COX7A2L: variants seen among roughly 807,000 people sequenced by gnomAD.
The protein encoded by COX7A2L is cytochrome c oxidase subunit 7A2-like, mitochondrial.
A neutral mutation model predicts 14.2 loss-of-function variants in COX7A2L; 18 were observed. The ratio of observed to expected loss-of-function variants is 1.27; its 90% CI spans 0.88 to 1.88. COX7A2L has a LOEUF of 1.88. COX7A2L is among the 40% of genes most tolerant of loss of function. The pLI is 0.00. For synonymous variants in COX7A2L, 65 were observed against 57.4 expected (o/e 1.13, Z -0.60); for missense variants, 179 against 138.8 (o/e 1.29, Z -1.46).
Position 42,338,419 on chromosome 2 carries a change from A to G in COX7A2L, c.193-4550T>C, listed in dbSNP as rs1670330325. On this transcript the variant is annotated intron_variant, in intron 2 of 2. Coordinates refer to the COX7A2L transcript ENST00000468711. The surrounding 1 kb of genome is among the most constrained non-coding windows in gnomAD (Gnocchi z 4.4). ...CCAAGACTGCCGCAGAACTGAGATG[A>G]GGTGACCAGGCTTTCTCCGAGAGCG... is the stretch of plus-strand genomic sequence containing the variant. Among the ~76,000 whole-genome samples the G allele has an allele frequency of 1.3e-5, 2 of 152,138 alleles. No homozygotes were observed. Among genetic ancestry groups the G allele is most frequent in the African/African-American group, 4.8e-5 (2 of 41,440 alleles).
chr2:42,336,546 ACCAAGCCC>A (rs1670278108), intron 2 of COX7A2L, among the ~76,000 whole-genome samples: 1 of 152,104 alleles, frequency 6.6e-6, no homozygotes, highest in South Asian at 2.1e-4. Flanking sequence ...GATCACAGTA[ACCAAGCCC>A]TTGTGCCTCC....
chr2:42,366,224 G>A (rs1671161840), intron 1 of COX7A2L, among the ~76,000 whole-genome samples: 2 of 152,290 alleles, frequency 1.3e-5, no homozygotes, highest in Non-Finnish European at 2.9e-5. Context: ...GAGTCCAGCA[G>A]TACGAGACCA....
chr2:42,359,957 C>T (rs905035367), intron 1 of COX7A2L: 4 of 152,082 alleles, frequency 2.6e-5, no homozygotes, highest in African/African-American at 9.7e-5. Context: ...AACTCCTGGG[C>T]TCAAGCGACC....
At chr2:42,335,898 C>T (rs1208258242) in intron 2 of COX7A2L, among the ~76,000 whole-genome samples, 2 of 152,218 alleles carry the variant, frequency 1.3e-5, no homozygotes, top group African/African-American at 2.4e-5. Flanking sequence ...TCCTTCCCTA[C>T]TATCCCTACA....
At position 42,353,064 on chromosome 2, in the gene COX7A2L, T is replaced by C. The variant is rs1670696940; in HGVS notation, c.204+148A>G. The C allele has an allele frequency of 7.1e-6, 7 of 980,188 alleles. No individual in the cohort carries two copies. The South Asian group carries it at 1.2e-4, about 17-fold the overall frequency. The allele number at this position is 980,188 out of a possible 1,614,324, so 60.7% of individuals were successfully genotyped here. ...ATCTACCTATATAAAGTTCTATTCG[T>C]TTATGGCTCAAACTAAAATCAAGAG... On this transcript the variant is annotated intron_variant, in intron 2 of 2. Transcript: ENST00000234301.
At chr2:42,366,511 C>A (rs1671168790) in intron 1 of COX7A2L, among the ~76,000 whole-genome samples, 1 of 152,172 alleles carries the variant, frequency 6.6e-6, no homozygotes, top group South Asian at 2.1e-4. Flanking sequence ...TGACCTTTGG[C>A]TAGTTCCTTA....
chr2:42,346,118 C>T (rs1173910664), downstream of COX7A2L, among the ~76,000 whole-genome samples: 1 of 152,184 alleles, frequency 6.6e-6, no homozygotes, highest in Non-Finnish European at 1.5e-5. Flanking sequence ...AGCTGACTGG[C>T]CCAGTGGAGG....
intron 1 of COX7A2L, among the ~76,000 whole-genome samples, chr2:42,358,839 A>C (rs1558635431): frequency 6.6e-6 from 1 of 152,170 alleles, no homozygotes; most frequent in Non-Finnish European, 1.5e-5. Context: ...AGATATATTA[A>C]AAGAACATAA....
upstream of COX7A2L, among the ~76,000 whole-genome samples, chr2:42,364,250 C>CAAAAAAAAAAAAAAAAAAAAAAAAAA (rs35151680): frequency 8.0e-4 from 68 of 85,362 alleles, no homozygotes; most frequent in South Asian, 1.5e-3. Flanking sequence ...GACTCCGTCT[C>CAAAAAAAAAAAAAAAAAAAAAAAAAA]AAAAAAAAAA....
At chr2:42,343,096 G>A (rs979852371) in intron 2 of COX7A2L, among the ~76,000 whole-genome samples, 4 of 152,094 alleles carry the variant, frequency 2.6e-5, no homozygotes, top group Admixed American at 1.3e-4. Context: ...AGCTGCTGCC[G>A]CCCTCCAGGC....
intron 2 of COX7A2L, among the ~76,000 whole-genome samples, chr2:42,341,179 C>T (rs1331282992): frequency 6.6e-6 from 1 of 152,214 alleles, no homozygotes; most frequent in Non-Finnish European, 1.5e-5. Context: ...CTCAACCCCT[C>T]CTGCTGTGGC....
At chr2:42,354,139 T>C (rs543860108) in intron 1 of COX7A2L, among the ~76,000 whole-genome samples, 4 of 152,144 alleles carry the variant, frequency 2.6e-5, no homozygotes, top group Non-Finnish European at 5.9e-5. Flanking sequence ...TTTGAGGTGA[T>C]TAAAAAAATG....
upstream of COX7A2L, among the ~76,000 whole-genome samples, chr2:42,364,119 C>T (rs903751976): frequency 1.3e-5 from 2 of 151,970 alleles, no homozygotes; most frequent in Non-Finnish European, 2.9e-5. Context: ...GGCGTGGTAG[C>T]GGGCGCCTGT....
downstream of COX7A2L, among the ~76,000 whole-genome samples, chr2:42,344,416 G>A (rs963859472): frequency 6.6e-6 from 1 of 152,074 alleles, no homozygotes; most frequent in Non-Finnish European, 1.5e-5. Flanking sequence ...ATAATTCTCT[G>A]TAACACTCTA....
chr2:42,360,457 A>T (rs1670988180), intron 1 of COX7A2L, among the ~76,000 whole-genome samples: 1 of 152,210 alleles, frequency 6.6e-6, no homozygotes, highest in Non-Finnish European at 1.5e-5. Flanking sequence ...GTCAAACTCC[A>T]ATTGGTAGAA....
chr2:42,347,459 T>C (rs1360346411), downstream of COX7A2L, among the ~76,000 whole-genome samples: 1 of 152,050 alleles, frequency 6.6e-6, no homozygotes, highest in African/African-American at 2.4e-5. Flanking sequence ...AAAGTCATAT[T>C]TATAAAAGCA....
chr2:42,348,754 T>C (rs553157815), downstream of COX7A2L, among the ~76,000 whole-genome samples: 45 of 152,132 alleles, frequency 3.0e-4, no homozygotes, highest in African/African-American at 1.0e-3. Context: ...CCATCTCTAC[T>C]AAAATTACAA....
chr2:42,350,575 G>A lies in COX7A2L; in HGVS notation c.*644C>T, dbSNP rs1026421865. The A allele has an allele frequency of 6.6e-6, 1 of 152,092 alleles. No homozygotes were observed. The highest frequency in any genetic ancestry group is 1.5e-5 in the Non-Finnish European group (1 of 68,028). 9.4% of individuals were successfully genotyped at this position (152,092 alleles called of 1,614,324 possible). A position where few individuals can be genotyped will look rare whatever the true frequency, so the allele number is the denominator to read the frequency against. ...AGCTATAACATTTTTAAAAGATAAA[G>A]GAGAATTTGTGGCACAGCTGCATTA... On this transcript the variant is annotated 3_prime_UTR_variant, in exon 3 of 3. Coordinates refer to ENST00000234301, the MANE Select transcript of COX7A2L (RefSeq NM_004718.4).
rs573639348 is a variant in COX7A2L, at chr2:42,342,496, C to G, written c.193-8627G>C. Among the ~76,000 whole-genome samples the G allele has an allele frequency of 3.3e-4, 50 of 152,262 alleles. No individual in the cohort carries two copies. The highest frequency in any genetic ancestry group is 9.4e-4 in the African/African-American group (39 of 41,562). On this transcript the variant is annotated intron_variant, in intron 2 of 2. Transcript: ENST00000468711. This position sits in a 1 kb window ranked among gnomAD's most constrained non-coding sequence, Gnocchi z 4.9. ...ACTCCATCTGCTTTACTTTACAGCCCTTCCAAGGCTTCTTCCTAAAACCTT... is the reference window on the plus strand; with the variant it reads ...ACTCCATCTGCTTTACTTTACAGCCGTTCCAAGGCTTCTTCCTAAAACCTT...
Sources: gnomAD v4.1 joint callset for allele counts (sites outside exome capture counted in the v4.1 genomes callset) on GRCh38, gnomAD v4.1.1 for gene constraint, Gnocchi (gnomAD v3.1) non-coding constraint, MANE v1.5 for transcripts, NCBI Gene and HGNC (gene_info 2026-07-23, HGNC 2026-07-21) for gene names.